RBMS3: variants seen among roughly 807,000 people sequenced by gnomAD.
RBMS3 encodes the protein RNA binding motif single stranded interacting protein 3, also known as RNA-binding motif, single-stranded-interacting protein 3.
RBMS3 carries 27 observed loss-of-function variants against 66.8 expected under a neutral mutation model. That is an observed-to-expected ratio of 0.40 (90% confidence interval 0.30 to 0.56). The LOEUF (loss-of-function observed/expected upper bound fraction) is 0.56. RBMS3 is among the 20% of genes least tolerant of loss of function. The probability of loss-of-function intolerance (pLI) is 0.40; values close to 1 mark genes in which losing one functional copy is unlikely to be tolerated. For missense variants in RBMS3, 513 were observed against 549.5 expected (o/e 0.93, Z 0.66); for synonymous variants, 188 against 183.0 (o/e 1.03, Z -0.22).
At chr3:29,328,802 T>G (rs980179480) in intron 1 of RBMS3, among the ~76,000 whole-genome samples, 1 of 152,146 alleles carries the variant, frequency 6.6e-6, no homozygotes, top group Non-Finnish European at 1.5e-5. Flanking sequence ...TTTATTTTTA[T>G]TAGTCTTCCT....
At chr3:29,454,369 TA>T (rs1222653973) in intron 2 of RBMS3, among the ~76,000 whole-genome samples, 1 of 152,218 alleles carries the variant, frequency 6.6e-6, no homozygotes, top group East Asian at 1.9e-4. Flanking sequence ...ACAGACACCG[TA>T]ATACTGTTTG....
chr3:29,292,880 G>C (rs1490931027), intron 1 of RBMS3, among the ~76,000 whole-genome samples: 1 of 151,786 alleles, frequency 6.6e-6, no homozygotes, highest in African/African-American at 2.4e-5. Context: ...GCAAGGAAAA[G>C]GTCATTTACA....
intron 4 of RBMS3, among the ~76,000 whole-genome samples, chr3:29,738,450 G>T (rs1406622494): frequency 6.6e-6 from 1 of 152,106 alleles, no homozygotes; most frequent in East Asian, 1.9e-4. Flanking sequence ...ATACAACTAA[G>T]TTCTAAATTA....
chr3:29,859,305 T>C (rs572482702), intron 6 of RBMS3, among the ~76,000 whole-genome samples: 10 of 152,286 alleles, frequency 6.6e-5, no homozygotes, highest in African/African-American at 2.2e-4. Context: ...AGAACCACTG[T>C]AATTATATTT....
chr3:29,640,556 G>C (rs1372070105), intron 4 of RBMS3, among the ~76,000 whole-genome samples: 2 of 151,696 alleles, frequency 1.3e-5, no homozygotes, highest in African/African-American at 4.8e-5. Flanking sequence ...AAAATCCCTG[G>C]GTTCTTGAAG....
intron 3 of RBMS3, among the ~76,000 whole-genome samples, chr3:29,582,149 T>TATAGATAGATAG (rs3836342): frequency 0.024 from 3,412 of 144,748 alleles, 36 homozygotes; most frequent in East Asian, 0.025. Context: ...AGAATTCCAT[T>TATAGATAGATAG]ATAGATAGAT....
chr3:29,666,586 TG>T (rs1449530742), intron 4 of RBMS3, among the ~76,000 whole-genome samples: 2 of 151,836 alleles, frequency 1.3e-5, no homozygotes, highest in Non-Finnish European at 2.9e-5. Flanking sequence ...TATACTTGAA[TG>T]GAGGGAATGG....
chr3:29,697,293 A>G (rs1405580306), intron 4 of RBMS3, among the ~76,000 whole-genome samples: 1 of 152,174 alleles, frequency 6.6e-6, no homozygotes, highest in Admixed American at 6.5e-5. Flanking sequence ...ATTTTAGACA[A>G]CTTCCTCCAA....
At chr3:29,521,269 C>G (rs1271076936) in intron 3 of RBMS3, among the ~76,000 whole-genome samples, 6 of 152,152 alleles carry the variant, frequency 3.9e-5, no homozygotes, top group Admixed American at 6.5e-5. Context: ...AGTTCATAGG[C>G]AGTATTGTGA....
intron 6 of RBMS3, among the ~76,000 whole-genome samples, chr3:29,847,714 G>A (rs1192272861): frequency 6.6e-6 from 1 of 151,512 alleles, no homozygotes; most frequent in Non-Finnish European, 1.5e-5. Flanking sequence ...GGAGTGCAGT[G>A]GCGCGATCTC....
At chr3:29,307,446 C>CTGG (rs2034087907) in intron 1 of RBMS3, among the ~76,000 whole-genome samples, 1 of 151,828 alleles carries the variant, frequency 6.6e-6, no homozygotes, top group Non-Finnish European at 1.5e-5. Flanking sequence ...CATGATAGGC[C>CTGG]AGCTATACAT....
chr3:29,499,825 C>A (rs1355525879), intron 3 of RBMS3, among the ~76,000 whole-genome samples: 12 of 152,134 alleles, frequency 7.9e-5, no homozygotes, highest in African/African-American at 2.9e-4. Flanking sequence ...TCTCAGATCT[C>A]GTCCACAATT....
intron 4 of RBMS3, among the ~76,000 whole-genome samples, chr3:29,713,371 T>C (rs933314439): frequency 6.6e-5 from 10 of 152,038 alleles, no homozygotes; most frequent in Non-Finnish European, 5.9e-5. Flanking sequence ...CTACCTGGCA[T>C]ACCATTCCCA....
chr3:29,794,079 GA>G (rs1467005138), intron 6 of RBMS3, among the ~76,000 whole-genome samples: 1 of 152,168 alleles, frequency 6.6e-6, no homozygotes, highest in East Asian at 1.9e-4. Context: ...GCCCTCACCA[GA>G]AGCAGTTGCT....
intron 4 of RBMS3, among the ~76,000 whole-genome samples, chr3:29,622,992 CTGTA>C (rs2048920977): frequency 6.6e-6 from 1 of 151,374 alleles, no homozygotes; most frequent in Non-Finnish European, 1.5e-5. Flanking sequence ...TGGCGGGCGC[CTGTA>C]GTCCCAGCTA....
intron 2 of RBMS3, among the ~76,000 whole-genome samples, chr3:29,463,658 A>C (rs2042444590): frequency 6.6e-6 from 1 of 151,672 alleles, no homozygotes; most frequent in African/African-American, 2.4e-5. Flanking sequence ...AATGCCTTAA[A>C]GAGAGAGGGC....
chr3:29,827,683 A>G (rs1185913851), intron 6 of RBMS3, among the ~76,000 whole-genome samples: 3 of 152,140 alleles, frequency 2.0e-5, no homozygotes, highest in African/African-American at 7.2e-5. Flanking sequence ...TAGAACCAGA[A>G]ACACAGGTAA....
At chr3:29,468,717 T>C (rs1035684979) in intron 2 of RBMS3, among the ~76,000 whole-genome samples, 6 of 152,300 alleles carry the variant, frequency 3.9e-5, no homozygotes, top group East Asian at 1.9e-4. Flanking sequence ...CTTTTTCTTT[T>C]TTCTTTTTGT....
At chr3:29,713,812 T>A (rs2149310220) in intron 4 of RBMS3, among the ~76,000 whole-genome samples, 1 of 152,262 alleles carries the variant, frequency 6.6e-6, no homozygotes. Flanking sequence ...CCCAGCACTT[T>A]GGGAGGCCGA....
Sources: allele counts gnomAD v4.1 joint callset (sites outside exome capture counted in the v4.1 genomes callset), GRCh38; gene constraint gnomAD v4.1.1; transcripts MANE v1.5; gene names NCBI Gene and HGNC (gene_info 2026-07-23, HGNC 2026-07-21).